GABRD: variants seen among roughly 807,000 people sequenced by gnomAD.
GABRD encodes the protein gamma-aminobutyric acid type A receptor subunit delta.
GABRD carries 25 observed loss-of-function variants against 47.3 expected under a neutral mutation model. That is an observed-to-expected ratio of 0.53 (90% CI 0.39 to 0.74). The LOEUF (loss-of-function observed/expected upper bound fraction) is 0.74, where lower values mean the gene tolerates loss of function less well. Among genes scored for constraint, GABRD ranks in the 30% least tolerant of loss-of-function variants. The pLI, the probability that GABRD is intolerant of heterozygous loss-of-function variation, is 0.00. For synonymous variants in GABRD, 314 were observed against 278.8 expected, an observed-to-expected ratio of 1.13 and a Z score of -1.26; for missense variants, 497 against 643.4, an observed-to-expected ratio of 0.77 and a Z score of 2.46.
intron 1 of GABRD, among the ~76,000 whole-genome samples, chr1:2,020,661 G>A (rs1658747849): frequency 6.6e-6 from 1 of 152,214 alleles, no homozygotes; most frequent in African/African-American, 2.4e-5. Context: ...CTCCTTCAAG[G>A]TGAGAGGAAG....
intron 4 of GABRD, among the ~76,000 whole-genome samples, chr1:2,026,025 CT>C (rs1388241498): frequency 1.3e-5 from 2 of 152,226 alleles, no homozygotes; most frequent in South Asian, 4.1e-4. Flanking sequence ...TAAAATTAAC[CT>C]TTTTAAAGTG....
intron 4 of GABRD, 43 bp downstream of exon 4, chr1:2,025,781 G>C (rs568142217): frequency 1.6e-6 from 2 of 1,237,068 alleles, no homozygotes; most frequent in Non-Finnish European, 1.1e-6. Context: ...GAGCCTGCCC[G>C]GGCCAAGCGT....
chr1:2,023,242 G>T (rs1259095522), intron 1 of GABRD, among the ~76,000 whole-genome samples: 2 of 151,926 alleles, frequency 1.3e-5, no homozygotes, highest in East Asian at 1.9e-4. Flanking sequence ...TCTCCCTTGG[G>T]AATCCAAGGA....
Position 2,030,074 on chromosome 1 carries a change from C to G in GABRD, c.1151C>G (p.Pro384Arg), listed in dbSNP as rs764066786. Residue 384 changes from proline (P) to arginine (R), a missense_variant, in exon 9 of 9, where the codon CCG (proline) becomes CGG (arginine). By Grantham distance (103) the Pro-to-Arg change is moderately radical. Coordinates refer to ENST00000378585, the MANE Select transcript of GABRD (RefSeq NM_000815.5). ...LAISRRQRRV[P>R]GNLMGSYRSV... Reference sequence around the variant, plus strand: ...ATCTCCCGCCGGCAGCGCCGCGTCCCGGGGAACCTGATGGGCTCCTACAGG... The same window carrying G: ...ATCTCCCGCCGGCAGCGCCGCGTCCGGGGGAACCTGATGGGCTCCTACAGG... 2 of 1,608,756 alleles carry G rather than the reference C, an allele frequency of 1.2e-6. No homozygotes were observed. The highest frequency in any genetic ancestry group is 1.1e-5 in the South Asian group (1 of 90,456).
At chr1:2,025,487 C>T (rs1444906875) in intron 3 of GABRD, 31 bp from the exon 4 acceptor site, 1 of 1,610,494 alleles carries the variant, frequency 6.2e-7, no homozygotes, top group Non-Finnish European at 8.5e-7. Context: ...TGGAGCAAGG[C>T]TGACCCCCGG....
chr1:2,027,924 C>G (rs763106726), intron 5 of GABRD: 3 of 612,884 alleles, frequency 4.9e-6, no homozygotes, highest in African/African-American at 1.8e-5. Context: ...GTGCAGCAGC[C>G]CCTGTGTGTC....
intron 2 of GABRD, 42 bp downstream of exon 2, chr1:2,025,096 C>T (rs1658882681): frequency 1.3e-6 from 2 of 1,533,820 alleles, no homozygotes; most frequent in East Asian, 2.3e-5. Context: ...GCCGCTGGAG[C>T]CCAGGCTAGG....
intron 1 of GABRD, among the ~76,000 whole-genome samples, chr1:2,020,301 C>A (rs1367582227): frequency 6.6e-6 from 1 of 152,252 alleles, no homozygotes; most frequent in Non-Finnish European, 1.5e-5. Flanking sequence ...CCCTAGGAGT[C>A]ACGAGAGGAC....
rs956420602 is a variant in GABRD, at chr1:2,028,900, C to T, written c.692-211C>T. 21 of 610,256 alleles carry T rather than the reference C, an allele frequency of 3.4e-5. No homozygotes were observed. The Middle Eastern group carries it at 1.3e-3, about 38-fold the overall frequency. 37.8% of individuals were successfully genotyped at this position (610,256 alleles called of 1,614,324 possible). A position where few individuals can be genotyped will look rare whatever the true frequency, so the allele number is the denominator to read the frequency against. On this transcript the variant is annotated intron_variant, in intron 6 of 8. Transcript: ENST00000378585. This position sits in a 1 kb window ranked among gnomAD's most constrained non-coding sequence, Gnocchi z 6.4. ...GCCTCTCTCCCTCTCCTCTGGGTGA[C>T]ACTGCTCAGGACCAGCCTGTCCTGT...
Position 2,029,024 on chromosome 1 carries a change from G to T in GABRD, c.692-87G>T, listed in dbSNP as rs74346221. 9.9e-3 allele frequency: 14,793 copies of T among 1,496,028 alleles called. 730 individuals are homozygous for T. In the African/African-American group the frequency reaches 0.13, roughly 13 times the overall value. The allele number at this position is 1,496,028 out of a possible 1,614,324, so 92.7% of individuals were successfully genotyped here. ...TCTCTTCTGAGCCCTGGTGGGCCCCGTAGCTGCCAAGCCCTGCAGCCCCTG... is the reference window on the plus strand; with the variant it reads ...TCTCTTCTGAGCCCTGGTGGGCCCCTTAGCTGCCAAGCCCTGCAGCCCCTG... On this transcript the variant is annotated intron_variant, in intron 6 of 8. Transcript: ENST00000378585.
intron 4 of GABRD, among the ~76,000 whole-genome samples, chr1:2,026,098 A>G (rs1658917238): frequency 6.6e-6 from 1 of 152,206 alleles, no homozygotes; most frequent in South Asian, 2.1e-4. Context: ...GTCTGGTCCA[A>G]AACATTTCAA....
At position 2,025,758 on chromosome 1, in the gene GABRD, G is replaced by A. The variant is rs372728395; in HGVS notation, c.470+20G>A. ...CATCCGGTGAGCGGGCTGCCCACCC[G>A]GACTCCGGGGGAGAGCCTGCCCGGG... On this transcript the variant is annotated intron_variant, in intron 4 of 8. Coordinates refer to ENST00000378585, the MANE Select transcript of GABRD (RefSeq NM_000815.5). The A allele has an allele frequency of 2.1e-4, 334 of 1,601,920 alleles. No individual in the cohort carries two copies. The African/African-American group carries it at 3.9e-3, about 19-fold the overall frequency.
At chr1:2,024,168 GATGTGC>G (rs984726918) in intron 1 of GABRD, 9 of 152,302 alleles carry the variant, frequency 5.9e-5, no homozygotes, top group African/African-American at 2.2e-4. Context: ...GCTCTGGGTG[GATGTGC>G]ATTTTGGGGG....
chr1:2,029,189 C>T lies in GABRD; in HGVS notation c.770C>T (p.Pro257Leu). ...RGVYIIQSYM[P>L]SVLLVAMSWV... ...GTGTACATCATCCAATCCTACATGC[C>T]CTCCGTCCTGCTGGTCGCCATGTCC... Residue 257 changes from proline (P) to leucine (L), a missense_variant, in exon 7 of 9, where the codon CCC (proline) becomes CTC (leucine). Physicochemically the swap from Pro to Leu is moderately conservative, Grantham distance 98. Coordinates refer to ENST00000378585, the MANE Select transcript of GABRD (RefSeq NM_000815.5). The T allele has an allele frequency of 1.3e-6, 2 of 1,563,788 alleles. No homozygotes were observed. Among genetic ancestry groups the T allele is most frequent in the Non-Finnish European group, 1.7e-6 (2 of 1,155,746 alleles).
At chr1:2,026,833 C>CAA (rs36009212) in intron 4 of GABRD, 9 of 130,184 alleles carry the variant, frequency 6.9e-5, no homozygotes, top group East Asian at 2.2e-4. Flanking sequence ...GACTCCATCT[C>CAA]AAAAAAAAAA....
chr1:2,025,352 C>T lies in GABRD; in HGVS notation c.200C>T (p.Ala67Val). ...PGIGGPPVNV[A>V]LALEVASIDH... ...CTTGCAGGCCCCCCCGTGAATGTGG[C>T]CCTTGCCCTGGAGGTGGCCAGCATC... Residue 67 changes from alanine to valine, a missense_variant, in exon 3 of 9, where the codon GCC becomes GTC. Around this residue, in one of 3 missense-constraint regions of GABRD, gnomAD observed 285 missense variants for 436.6 expected, o/e 0.65. Transcript: ENST00000378585. The T allele has an allele frequency of 6.2e-7, 1 of 1,613,172 alleles. No individual in the cohort carries two copies. The highest frequency in any genetic ancestry group is 8.5e-7 in the Non-Finnish European group (1 of 1,179,986).
chr1:2,028,390 G>A lies in GABRD; in HGVS notation c.691+98G>A, dbSNP rs1368803955. On this transcript the variant is annotated intron_variant, in intron 6 of 8. Transcript: ENST00000378585. This position sits in a 1 kb window ranked among gnomAD's most constrained non-coding sequence, Gnocchi z 6.4. ...CGCGCCCACCGCCCCTTCCGCGTGC[G>A]CCCGCCTGTGGTTTTCATGCTTTTT... 4.8e-6 allele frequency: 6 copies of A among 1,255,454 alleles called. No homozygotes were observed. The highest frequency in any genetic ancestry group is 4.2e-5 in the Admixed American group (1 of 23,796). The allele number at this position is 1,255,454 out of a possible 1,614,324, so 77.8% of individuals were successfully genotyped here.
At position 2,028,864 on chromosome 1, in the gene GABRD, C is replaced by G. The variant is rs1466883713; in HGVS notation, c.692-247C>G. The G allele has an allele frequency of 5.3e-6, 3 of 569,894 alleles. No homozygotes were observed. The highest frequency in any genetic ancestry group is 6.4e-5 in the Admixed American group (2 of 31,310). 35.3% of individuals were successfully genotyped at this position (569,894 alleles called of 1,614,324 possible). ...GCCAGTCCAGCAAACATGAGGCCAGCAGTAACCTCAGCCTCTCTCCCTCTC... is the reference window on the plus strand; with the variant it reads ...GCCAGTCCAGCAAACATGAGGCCAGGAGTAACCTCAGCCTCTCTCCCTCTC... On this transcript the variant is annotated intron_variant, in intron 6 of 8. Coordinates refer to ENST00000378585, the MANE Select transcript of GABRD (RefSeq NM_000815.5). This position sits in a 1 kb window ranked among gnomAD's most constrained non-coding sequence, Gnocchi z 6.4.
chr1:2,028,139 TG>T lies in GABRD; in HGVS notation c.554-15del. On this transcript the variant is annotated splice_polypyrimidine_tract_variant and intron_variant, in intron 5 of 8. Transcript: ENST00000378585. This position sits in a 1 kb window ranked among gnomAD's most constrained non-coding sequence, Gnocchi z 6.4. ...AGGGCCGGGCTCTGCCGCCCACCTG[TG>T]TGCTTTTCCTCCAGACGGTTACTCA... The T allele has an allele frequency of 1.2e-6, 2 of 1,602,650 alleles. No individual in the cohort carries two copies. The highest frequency in any genetic ancestry group is 1.7e-6 in the Non-Finnish European group (2 of 1,172,424).
Sources: gnomAD v4.1 joint callset for allele counts (sites outside exome capture counted in the v4.1 genomes callset) on GRCh38, gnomAD v4.1.1 for gene constraint, gnomAD v4.1.1 regional missense constraint, Gnocchi (gnomAD v3.1) non-coding constraint, MANE v1.5 for transcripts, NCBI Gene and HGNC (gene_info 2026-07-23, HGNC 2026-07-21) for gene names.